JAK2: variants seen among roughly 807,000 people sequenced by gnomAD.
The protein encoded by JAK2 is tyrosine-protein kinase JAK2.
Under a neutral mutation model 139.3 loss-of-function variants are expected in JAK2, and 86 were observed. That is an observed-to-expected ratio of 0.62 (90% confidence interval 0.52 to 0.74). The LOEUF (loss-of-function observed/expected upper bound fraction) is 0.74, where lower values mean the gene tolerates loss of function less well. JAK2 is among the 30% of genes least tolerant of loss of function. JAK2 has a pLI of 0.00. For missense variants in JAK2, 1,421 were observed against 1,360.3 expected, an observed-to-expected ratio of 1.04 and a Z score of -0.70; for synonymous variants, 490 against 437.7, an observed-to-expected ratio of 1.12 and a Z score of -1.49.
At chr9:5,104,642 C>T (rs1279751447) in intron 22 of JAK2, among the ~76,000 whole-genome samples, 11 of 152,108 alleles carry the variant, frequency 7.2e-5, no homozygotes, top group Admixed American at 1.3e-4. Context: ...TGATGAACGT[C>T]GATGTGAAAA....
At chr9:5,037,425 C>T (rs1374664270) in intron 4 of JAK2, among the ~76,000 whole-genome samples, 2 of 152,182 alleles carry the variant, frequency 1.3e-5, no homozygotes, top group Non-Finnish European at 2.9e-5. Context: ...TATTGCGGCA[C>T]TATTCACAAT....
In JAK2 at chr9:5,055,635, ACC is replaced by A. The variant is rs1179678115; in HGVS notation, c.937-32_937-31del. 4 of 1,489,438 alleles carry A rather than the reference ACC, an allele frequency of 2.7e-6. No individual in the cohort carries two copies. In the East Asian group the frequency reaches 9.1e-5, roughly 34 times the overall value. 92.3% of individuals were successfully genotyped at this position (1,489,438 alleles called of 1,614,324 possible). A position where few individuals can be genotyped will look rare whatever the true frequency, so the allele number is the denominator to read the frequency against. ...GTTTTAAAATGGCTCTGTAAATTCT[ACC>A]CGTTTTTAATTTTACATGCTTTTAA... is the stretch of plus-strand genomic sequence containing the variant. On this transcript the variant is annotated intron_variant, in intron 7 of 24. Transcript: ENST00000381652.
intron 3 of JAK2, 61 bp from the exon 4 acceptor site, chr9:5,029,722 T>A: frequency 1.4e-6 from 2 of 1,404,994 alleles, no homozygotes; most frequent in Non-Finnish European, 1.9e-6. Context: ...AAATTATAGG[T>A]GCTATGTAAA....
chr9:5,092,737 C>G (rs191637353), intron 22 of JAK2, among the ~76,000 whole-genome samples: 1 of 152,298 alleles, frequency 6.6e-6, no homozygotes, highest in Non-Finnish European at 1.5e-5. Context: ...AGAGCGTACT[C>G]ACCTACGTGG....
rs1164984463 is a variant in JAK2, at chr9:5,129,699, T to C, written c.*2908T>C. Among the ~76,000 whole-genome samples the C allele has an allele frequency of 6.6e-6, 1 of 152,120 alleles. No individual in the cohort carries two copies. The highest frequency in any genetic ancestry group is 1.5e-5 in the Non-Finnish European group (1 of 67,970). On this transcript the variant is annotated 3_prime_UTR_variant, in exon 25 of 25. Transcript: ENST00000381652. ...TACTCTCAGATTTTAGTTGGTTGGA[T>C]TTAATATCAAGATAACTAGCTGCTA...
At chr9:5,090,974 T>C in intron 22 of JAK2, 63 bp downstream of exon 22, 1 of 1,151,352 alleles carries the variant, frequency 8.7e-7, no homozygotes. Flanking sequence ...TTATTGTTGT[T>C]ATTTAATAGT....
At chr9:5,126,546 A>G (rs1486190733) in intron 24 of JAK2, 100 bp downstream of exon 24, 4 of 961,286 alleles carry the variant, frequency 4.2e-6, no homozygotes, top group African/African-American at 3.3e-5. Context: ...CGGAGCTTCC[A>G]GATAAACAGC....
intron 2 of JAK2, among the ~76,000 whole-genome samples, chr9:4,994,275 C>A (rs1469874284): frequency 6.6e-6 from 1 of 152,196 alleles, no homozygotes; most frequent in Non-Finnish European, 1.5e-5. Flanking sequence ...CTTAAAGTCA[C>A]AGTTTCCAAG....
At chr9:5,090,686 T>A in intron 21 of JAK2, 53 bp from the exon 22 acceptor site, 1 of 1,542,614 alleles carries the variant, frequency 6.5e-7, no homozygotes, top group Non-Finnish European at 8.7e-7. Flanking sequence ...TTAAGACCAT[T>A]TAAATTGTTT....
chr9:5,060,577 T>C (rs555728085), intron 8 of JAK2, among the ~76,000 whole-genome samples: 1 of 152,222 alleles, frequency 6.6e-6, no homozygotes, highest in Non-Finnish European at 1.5e-5. Context: ...TATCATGAGA[T>C]TGTAGCAATT....
At chr9:5,066,370 T>A (rs1818568272) in intron 9 of JAK2, among the ~76,000 whole-genome samples, 3 of 152,126 alleles carry the variant, frequency 2.0e-5, no homozygotes, top group Admixed American at 2.0e-4. Flanking sequence ...AGTATGGTTT[T>A]AAAAATATTA....
intron 22 of JAK2, chr9:5,114,477 G>A (rs746879583): frequency 2.8e-5 from 13 of 466,318 alleles, no homozygotes; most frequent in South Asian, 5.6e-5. Context: ...CAAGATCAGC[G>A]GCCCATGTGC....
intron 4 of JAK2, chr9:5,041,941 C>A (rs904952203): frequency 5.2e-6 from 2 of 385,102 alleles, no homozygotes; most frequent in African/African-American, 2.1e-5. Flanking sequence ...CTGTTTCTTC[C>A]CCCTGAATCT....
chr9:5,074,304 C>T (rs761175852), intron 14 of JAK2, among the ~76,000 whole-genome samples: 10 of 152,110 alleles, frequency 6.6e-5, no homozygotes, highest in Non-Finnish European at 1.2e-4. Context: ...CATTTTATTG[C>T]ACCTTGCTTT....
At position 5,085,334 on chromosome 9, in the gene JAK2, C is replaced by T. The variant is rs1357086416; in HGVS notation, c.2571+3473C>T. On this transcript the variant is annotated intron_variant, in intron 19 of 24. Coordinates refer to ENST00000381652, the MANE Select transcript of JAK2 (RefSeq NM_004972.4). ...AATACATCATCTATTAGCTGAAAAG[C>T]TATTCCTACATTTTTTCCGTACTGA... 4 of 861,564 alleles carry T rather than the reference C, an allele frequency of 4.6e-6. No homozygotes were observed. In the South Asian group the frequency reaches 5.2e-5, roughly 11 times the overall value. 53.4% of individuals were successfully genotyped at this position (861,564 alleles called of 1,614,324 possible). A position where few individuals can be genotyped will look rare whatever the true frequency, so the allele number is the denominator to read the frequency against.
chr9:5,061,468 T>C (rs1204752197), intron 8 of JAK2, among the ~76,000 whole-genome samples: 1 of 152,258 alleles, frequency 6.6e-6, no homozygotes, highest in Non-Finnish European at 1.5e-5. Flanking sequence ...ACCTTGCACT[T>C]ATGCTGTGCA....
intron 19 of JAK2, among the ~76,000 whole-genome samples, chr9:5,083,810 T>C (rs1400498626): frequency 1.3e-5 from 2 of 152,168 alleles, no homozygotes; most frequent in East Asian, 3.8e-4. Context: ...GAAAGTGATA[T>C]ACTGCTTATA....
chr9:5,086,588 A>G (rs575709046), intron 19 of JAK2, among the ~76,000 whole-genome samples: 1 of 152,098 alleles, frequency 6.6e-6, no homozygotes, highest in East Asian at 1.9e-4. Flanking sequence ...TGCCCTTCCA[A>G]TACTTAAAAA....
At position 5,064,874 on chromosome 9, in the gene JAK2, T is replaced by C. The variant is rs2130491206; in HGVS notation, c.1057-9T>C. ...AAAGGTGCTATTTCTTTTTCTTTTC[T>C]CTGCTTAGGAAATTGAACTTAGCTC... On this transcript the variant is annotated splice_polypyrimidine_tract_variant and intron_variant, in intron 8 of 24. Transcript: ENST00000381652. The C allele has an allele frequency of 6.6e-7, 1 of 1,526,618 alleles. No homozygotes were observed. The highest frequency in any genetic ancestry group is 8.8e-7 in the Non-Finnish European group (1 of 1,136,124). 94.6% of individuals were successfully genotyped at this position (1,526,618 alleles called of 1,614,324 possible). A position where few individuals can be genotyped will look rare whatever the true frequency, so the allele number is the denominator to read the frequency against.
Sources: allele counts gnomAD v4.1 joint callset (sites outside exome capture counted in the v4.1 genomes callset), GRCh38; gene constraint gnomAD v4.1.1; transcripts MANE v1.5; gene names NCBI Gene and HGNC (gene_info 2026-07-23, HGNC 2026-07-21).